CNIH3: variants seen among roughly 807,000 people sequenced by gnomAD.
The protein encoded by CNIH3 is protein cornichon homolog 3.
CNIH3 carries 14 observed loss-of-function variants against 24.1 expected under a neutral mutation model. The observed-to-expected ratio is 0.58, with a 90% CI of 0.38 to 0.91. The LOEUF is 0.91. Ranked by LOEUF, CNIH3 falls within the 40% of genes least tolerant of loss-of-function variation. The pLI, the probability that CNIH3 is intolerant of heterozygous loss-of-function variation, is 0.00. For missense variants in CNIH3, 178 were observed against 196.8 expected, an observed-to-expected ratio of 0.90 and a Z score of 0.57; for synonymous variants, 68 against 73.8, an observed-to-expected ratio of 0.92 and a Z score of 0.40.
At chr1:224,669,122 G>A (rs1685740442) in intron 1 of CNIH3, among the ~76,000 whole-genome samples, 1 of 152,190 alleles carries the variant, frequency 6.6e-6, no homozygotes, top group Admixed American at 6.5e-5. Flanking sequence ...GCTGGCTGGA[G>A]TTGAGGACGG....
At chr1:224,627,180 TG>T (rs1683577982) in intron 1 of CNIH3, among the ~76,000 whole-genome samples, 1 of 152,142 alleles carries the variant, frequency 6.6e-6, no homozygotes, top group Non-Finnish European at 1.5e-5. Context: ...GTCACCTCTT[TG>T]GTAGCCTCAT....
At chr1:224,683,119 G>A (rs555377018) in intron 2 of CNIH3, among the ~76,000 whole-genome samples, 1 of 152,328 alleles carries the variant, frequency 6.6e-6, no homozygotes, top group African/African-American at 2.4e-5. Flanking sequence ...ATGGCTATTT[G>A]TCGATTAAAC....
At chr1:224,635,302 G>T (rs999793123) in intron 1 of CNIH3, among the ~76,000 whole-genome samples, 2 of 152,144 alleles carry the variant, frequency 1.3e-5, no homozygotes, top group African/African-American at 4.8e-5. Context: ...CACGACACTT[G>T]GGGATTACTA....
downstream of CNIH3, among the ~76,000 whole-genome samples, chr1:224,588,845 A>G (rs1681619926): frequency 7.1e-6 from 1 of 141,704 alleles, no homozygotes; most frequent in Non-Finnish European, 1.5e-5. Flanking sequence ...AATAAGGACC[A>G]GCTTCTCAGG....
At chr1:224,473,863 T>C (rs1055433701) in intron 1 of CNIH3, among the ~76,000 whole-genome samples, 1 of 152,166 alleles carries the variant, frequency 6.6e-6, no homozygotes, top group Non-Finnish European at 1.5e-5. Flanking sequence ...CCTTAGCACA[T>C]GGATCATTCA....
chr1:224,587,890 G>C (rs908259011), intron 5 of CNIH3, among the ~76,000 whole-genome samples: 1 of 151,892 alleles, frequency 6.6e-6, no homozygotes, highest in African/African-American at 2.4e-5. Context: ...TTAGTGAGCT[G>C]TGATTGCACC....
intron 1 of CNIH3, among the ~76,000 whole-genome samples, chr1:224,652,816 T>G (rs1684922985): frequency 6.6e-6 from 1 of 152,166 alleles, no homozygotes; most frequent in African/African-American, 2.4e-5. Context: ...GCTAATGGGT[T>G]TCTGTCCCTG....
chr1:224,582,538 G>A (rs961266808), intron 4 of CNIH3, among the ~76,000 whole-genome samples: 2 of 152,106 alleles, frequency 1.3e-5, no homozygotes, highest in African/African-American at 2.4e-5. Flanking sequence ...ATCAATCACC[G>A]CAGAACTTCC....
intron 3 of CNIH3, among the ~76,000 whole-genome samples, chr1:224,553,404 A>G (rs993188198): frequency 1.3e-5 from 2 of 151,960 alleles, no homozygotes; most frequent in African/African-American, 2.4e-5. Flanking sequence ...AAAGATGCAG[A>G]TGGGGTTTCT....
chr1:224,713,563 G>A (rs1459697359), intron 3 of CNIH3, among the ~76,000 whole-genome samples: 4 of 152,096 alleles, frequency 2.6e-5, no homozygotes, highest in Non-Finnish European at 5.9e-5. Context: ...GATTATAAAA[G>A]CACCTACTTC....
At chr1:224,571,386 G>A (rs754478513) in intron 4 of CNIH3, among the ~76,000 whole-genome samples, 1 of 152,124 alleles carries the variant, frequency 6.6e-6, no homozygotes, top group Non-Finnish European at 1.5e-5. Context: ...AATAACAGAA[G>A]CAGTTTTTAA....
At chr1:224,593,729 C>T (rs1183325086) in intron 3 of CNIH3, among the ~76,000 whole-genome samples, 4 of 152,138 alleles carry the variant, frequency 2.6e-5, no homozygotes, top group East Asian at 3.8e-4. Context: ...CATTACAGGA[C>T]GTGAGCAAAT....
intron 1 of CNIH3, among the ~76,000 whole-genome samples, chr1:224,617,488 C>G (rs1010760655): frequency 6.6e-6 from 1 of 152,118 alleles, no homozygotes; most frequent in Non-Finnish European, 1.5e-5. Flanking sequence ...CTGCAGGGCC[C>G]GACTGGGCGT....
rs191876829 is a variant in CNIH3 at position 224,544,582 on chromosome 1, T to A, written n.340-2247T>A. On this transcript the variant is annotated intron_variant and non_coding_transcript_variant, in intron 2 of 5. Coordinates refer to the CNIH3 transcript ENST00000471578. ...TGGGAGAACAAAGAGGAAGGCAAAA[T>A]GACTCAAAGATTGGTAATTTTAGGA... Among the ~76,000 whole-genome samples the A allele has an allele frequency of 4.4e-3, 675 of 152,194 alleles. 4 individuals are homozygous for A. Among genetic ancestry groups the A allele is most frequent in the Middle Eastern group, 0.027 (8 of 294 alleles).
chr1:224,643,696 G>GA (rs1056529189), intron 1 of CNIH3, among the ~76,000 whole-genome samples: 6 of 152,068 alleles, frequency 3.9e-5, no homozygotes, highest in African/African-American at 1.2e-4. Context: ...GGGCAAAAAG[G>GA]AAAAAAAGTG....
chr1:224,568,935 C>A (rs779742674), intron 4 of CNIH3, among the ~76,000 whole-genome samples: 1 of 152,144 alleles, frequency 6.6e-6, no homozygotes, highest in East Asian at 1.9e-4. Context: ...TACAATGGAG[C>A]GATCTCGGCT....
intron 4 of CNIH3, among the ~76,000 whole-genome samples, chr1:224,576,054 A>G (rs1053542134): frequency 6.6e-6 from 1 of 152,218 alleles, no homozygotes; most frequent in African/African-American, 2.4e-5. Flanking sequence ...AGACTTAGGT[A>G]AGTTAAGTCT....
At chr1:224,465,111 CTTT>C (rs547660025) in intron 1 of CNIH3, among the ~76,000 whole-genome samples, 2 of 142,754 alleles carry the variant, frequency 1.4e-5, no homozygotes, top group African/African-American at 2.5e-5. Flanking sequence ...TTAGAATTAT[CTTT>C]TTTTTTTTTT....
chr1:224,526,906 G>A lies in CNIH3; in HGVS notation n.343+5579G>A, dbSNP rs574768034. On this transcript the variant is annotated intron_variant and non_coding_transcript_variant, in intron 2 of 2. Coordinates refer to the CNIH3 transcript ENST00000470602. ...GGAGCAAGAGAGAAGCGGAGAGGGG[G>A]CCACACACTTCTAAACAACCAGGTC... Among the ~76,000 whole-genome samples, 28 of 152,240 alleles carry A rather than the reference G, an allele frequency of 1.8e-4. No individual in the cohort carries two copies. In the East Asian group the frequency reaches 2.5e-3, roughly 14 times the overall value.
Sources: gnomAD v4.1 joint callset for allele counts (sites outside exome capture counted in the v4.1 genomes callset) on GRCh38, gnomAD v4.1.1 for gene constraint, MANE v1.5 for transcripts, NCBI Gene and HGNC (gene_info 2026-07-23, HGNC 2026-07-21) for gene names.